RUSC2: variants seen among roughly 807,000 people sequenced by gnomAD.
RUSC2 encodes RUN and SH3 domain containing 2.
In RUSC2, 34 loss-of-function variants were observed where a neutral mutation model predicts 122.2. The observed-to-expected ratio is 0.28, with a 90% CI of 0.21 to 0.37. The LOEUF (loss-of-function observed/expected upper bound fraction) is 0.37. Ranked by LOEUF, RUSC2 falls within the 10% of genes least tolerant of loss-of-function variation. RUSC2 has a pLI of 1.00. For missense variants in RUSC2, 1,747 were observed against 1,952.4 expected (o/e 0.89, Z 1.98); for synonymous variants, 784 against 790.0 (o/e 0.99, Z 0.13).
In RUSC2 at chr9:35,556,152, T is replaced by G; in HGVS notation, c.2842+15T>G. ...CCGGCTGAATGGTGTGTGAGCAGGG[T>G]CCCCAGTACACCCGGGGCAGGCTCT... On this transcript the variant is annotated intron_variant, in intron 4 of 11. Transcript: ENST00000361226. 6.2e-7 allele frequency: 1 copy of G among 1,612,778 alleles called. No individual in the cohort carries two copies. The highest frequency in any genetic ancestry group is 8.5e-7 in the Non-Finnish European group (1 of 1,179,126).
chr9:35,561,240 A>G lies in RUSC2; in HGVS notation c.4409A>G (p.Lys1470Arg). The change falls in exon 12 of 12, where the codon AAA (lysine) becomes AGA (arginine). Residue 1470 changes from lysine to arginine, a missense_variant. Lys to Arg is a conservative substitution (Grantham distance 26). Coordinates refer to ENST00000361226, the MANE Select transcript of RUSC2 (RefSeq NM_014806.5). ...ATGPGQLSFH[K>R]GDILRVLGRA... is the part of the protein sequence containing the mutation. ...GGCCCTGGACAGCTGAGCTTCCACA[A>G]AGGAGACATCCTACGAGTGCTGGGG... 6.2e-7 allele frequency: 1 copy of G among 1,614,160 alleles called. No individual in the cohort carries two copies. The highest frequency in any genetic ancestry group is 8.5e-7 in the Non-Finnish European group (1 of 1,180,014).
At position 35,555,784 on chromosome 9, in the gene RUSC2, C is replaced by T; in HGVS notation, c.2656+83C>T. ...CCTCCCCTTTGAGTGGTTGCTTACACTCTCACCTGGGGCCAGAGGTTAGGA... is the reference window on the plus strand; with the variant it reads ...CCTCCCCTTTGAGTGGTTGCTTACATTCTCACCTGGGGCCAGAGGTTAGGA... On this transcript the variant is annotated intron_variant, in intron 3 of 11. Transcript: ENST00000361226. This position sits in a 1 kb window ranked among gnomAD's most constrained non-coding sequence, Gnocchi z 4.6. The T allele has an allele frequency of 2.0e-6, 3 of 1,500,370 alleles. No individual in the cohort carries two copies. The highest frequency in any genetic ancestry group is 2.7e-6 in the Non-Finnish European group (3 of 1,122,970). 92.9% of individuals were successfully genotyped at this position (1,500,370 alleles called of 1,614,324 possible). A position where few individuals can be genotyped will look rare whatever the true frequency, so the allele number is the denominator to read the frequency against.
At chr9:35,510,635 T>A (rs1432198797) in intron 1 of RUSC2, among the ~76,000 whole-genome samples, 1 of 152,198 alleles carries the variant, frequency 6.6e-6, no homozygotes, top group Non-Finnish European at 1.5e-5. Flanking sequence ...AGGTACTCAG[T>A]TAAGATTTAT....
At chr9:35,520,927 C>T (rs907114682) in intron 1 of RUSC2, among the ~76,000 whole-genome samples, 2 of 152,154 alleles carry the variant, frequency 1.3e-5, no homozygotes, top group African/African-American at 2.4e-5. Flanking sequence ...CTGAAGAACT[C>T]GGTCTGTCAA....
intron 1 of RUSC2, among the ~76,000 whole-genome samples, chr9:35,521,250 G>A (rs539637698): frequency 1.4e-4 from 22 of 152,308 alleles, no homozygotes; most frequent in Admixed American, 8.5e-4. Flanking sequence ...TTCCAAACAG[G>A]TGCTACAAGT....
intron 1 of RUSC2, among the ~76,000 whole-genome samples, chr9:35,529,953 T>C (rs932143091): frequency 1.3e-5 from 2 of 152,080 alleles, no homozygotes; most frequent in Non-Finnish European, 2.9e-5. Flanking sequence ...TCAGTAGCTT[T>C]GTTTTTGTTT....
At chr9:35,495,030 T>TATATACTATAGTATATATA (rs1820656244) in intron 1 of RUSC2, among the ~76,000 whole-genome samples, 12 of 86,734 alleles carry the variant, frequency 1.4e-4, no homozygotes, top group Admixed American at 2.1e-4. Flanking sequence ...TTTTATATAT[T>TATATACTATAGTATATATA]ATATATACTA....
At chr9:35,510,714 A>G (rs1820996230) in intron 1 of RUSC2, among the ~76,000 whole-genome samples, 1 of 152,142 alleles carries the variant, frequency 6.6e-6, no homozygotes, top group Admixed American at 6.5e-5. Flanking sequence ...GATTCCTTCA[A>G]ACGTTTGCCC....
At chr9:35,539,723 C>T (rs1184769094) in intron 1 of RUSC2, among the ~76,000 whole-genome samples, 1 of 152,162 alleles carries the variant, frequency 6.6e-6, no homozygotes, top group Non-Finnish European at 1.5e-5. Context: ...CAGGGACAGT[C>T]ATTGTAATGC....
intron 1 of RUSC2, among the ~76,000 whole-genome samples, chr9:35,504,918 G>T (rs1408694331): frequency 1.3e-5 from 2 of 152,322 alleles, no homozygotes; most frequent in African/African-American, 4.8e-5. Context: ...GGCGAATGGG[G>T]ATTTGCTCCT....
At chr9:35,523,578 G>C (rs1450016148) in intron 1 of RUSC2, among the ~76,000 whole-genome samples, 3 of 152,166 alleles carry the variant, frequency 2.0e-5, no homozygotes, top group African/African-American at 7.2e-5. Context: ...CACTTTGGGA[G>C]GCTGAGGTGG....
At position 35,555,849 on chromosome 9, in the gene RUSC2, CAGAT is replaced by C; in HGVS notation, c.2657-101_2657-98del. 6.8e-7 allele frequency: 1 copy of C among 1,480,928 alleles called. No homozygotes were observed. Among genetic ancestry groups the C allele is most frequent in the East Asian group, 2.3e-5 (1 of 43,942 alleles). 91.7% of individuals were successfully genotyped at this position (1,480,928 alleles called of 1,614,324 possible). A position where few individuals can be genotyped will look rare whatever the true frequency, so the allele number is the denominator to read the frequency against. On this transcript the variant is annotated intron_variant, in intron 3 of 11. Transcript: ENST00000361226. This position sits in a 1 kb window ranked among gnomAD's most constrained non-coding sequence, Gnocchi z 4.6. Reference sequence around the variant, plus strand: ...CCTCAGCATCTGTAGATAATATCCACAGATAATCTAGTGTTTCATATGGGCCCAC... The same window carrying C: ...CCTCAGCATCTGTAGATAATATCCACAATCTAGTGTTTCATATGGGCCCAC...
chr9:35,530,702 C>T (rs1178692049), intron 1 of RUSC2, among the ~76,000 whole-genome samples: 2 of 151,728 alleles, frequency 1.3e-5, no homozygotes, highest in East Asian at 3.9e-4. Flanking sequence ...TACAGTGGTG[C>T]GATCTCTGCT....
intron 1 of RUSC2, among the ~76,000 whole-genome samples, chr9:35,514,840 AC>A (rs1821073781): frequency 6.6e-6 from 1 of 152,158 alleles, no homozygotes; most frequent in Non-Finnish European, 1.5e-5. Flanking sequence ...TCTAGTCATC[AC>A]AGCTACCTTC....
At chr9:35,501,638 G>GA (rs1820818938) in intron 1 of RUSC2, among the ~76,000 whole-genome samples, 1 of 152,174 alleles carries the variant, frequency 6.6e-6, no homozygotes, top group Non-Finnish European at 1.5e-5. Flanking sequence ...GGTAGAAAGA[G>GA]ATAAAGATAA....
intron 1 of RUSC2, among the ~76,000 whole-genome samples, chr9:35,518,494 T>G (rs977445630): frequency 6.6e-6 from 1 of 152,202 alleles, no homozygotes; most frequent in Admixed American, 6.5e-5. Flanking sequence ...AAGTAGACAC[T>G]CTGGCAGGAG....
intron 1 of RUSC2, chr9:35,539,241 A>AG (rs1376584703): frequency 5.3e-5 from 4 of 75,076 alleles, no homozygotes; most frequent in Non-Finnish European, 8.2e-5. Context: ...GGGGGGATAA[A>AG]GGGGGGAACA....
chr9:35,540,151 C>T (rs1365032428), intron 1 of RUSC2, among the ~76,000 whole-genome samples: 1 of 152,138 alleles, frequency 6.6e-6, no homozygotes, highest in Non-Finnish European at 1.5e-5. Flanking sequence ...GGGAGGATCA[C>T]TTGAGCCTAG....
chr9:35,546,946 A>C lies in RUSC2; in HGVS notation c.425A>C (p.His142Pro). ...HLHGTGQPNF[H>P]LSSFQLPPSG... is the part of the protein sequence containing the mutation. ...CATGGCACTGGCCAGCCCAACTTTC[A>C]TCTATCCTCTTTCCAGCTGCCACCA... The change falls in exon 2 of 12, where the codon CAT becomes CCT. Residue 142 changes from histidine to proline, a missense_variant. Transcript: ENST00000361226. This position sits in a 1 kb window ranked among gnomAD's most constrained non-coding sequence, Gnocchi z 4.3. The C allele has an allele frequency of 6.3e-7, 1 of 1,574,982 alleles. No homozygotes were observed. Among genetic ancestry groups the C allele is most frequent in the Non-Finnish European group, 8.6e-7 (1 of 1,159,562 alleles).
Sources: gnomAD v4.1 joint callset for allele counts (sites outside exome capture counted in the v4.1 genomes callset) on GRCh38, gnomAD v4.1.1 for gene constraint, Gnocchi (gnomAD v3.1) non-coding constraint, MANE v1.5 for transcripts, NCBI Gene and HGNC (gene_info 2026-07-23, HGNC 2026-07-21) for gene names.